XKR6: variants seen among roughly 807,000 people sequenced by gnomAD.
The protein encoded by XKR6 is XK-related protein 6.
In XKR6, 22 loss-of-function variants were observed where a neutral mutation model predicts 56.7. The observed-to-expected ratio is 0.39, with a 90% CI of 0.28 to 0.55. The LOEUF is 0.55. Among genes scored for constraint, XKR6 ranks in the 20% least tolerant of loss-of-function variants. The pLI is 0.66. For missense variants in XKR6, 852 were observed against 889.0 expected (o/e 0.96, Z 0.53); for synonymous variants, 524 against 387.8 (o/e 1.35, Z -4.13).
chr8:11,085,488 C>T (rs1797856816), intron 1 of XKR6, among the ~76,000 whole-genome samples: 10 of 151,990 alleles, frequency 6.6e-5, no homozygotes. Flanking sequence ...GTGTGCATGT[C>T]TGTGCTTGTG....
At chr8:10,929,601 CACCTGGCTGTGTT>C (rs1223540950) in intron 1 of XKR6, among the ~76,000 whole-genome samples, 1 of 152,216 alleles carries the variant, frequency 6.6e-6, no homozygotes, top group Non-Finnish European at 1.5e-5. Flanking sequence ...CCAGCTCTGC[CACCTGGCTGTGTT>C]ACCTTGAGGG....
chr8:11,067,973 T>C (rs1022268424), intron 1 of XKR6, among the ~76,000 whole-genome samples: 6 of 152,188 alleles, frequency 3.9e-5, no homozygotes, highest in African/African-American at 1.4e-4. Flanking sequence ...GAATGTGGGG[T>C]GGTTGCTGTT....
At position 10,898,365 on chromosome 8, in the gene XKR6, C is replaced by G. The variant is rs1299151411; in HGVS notation, c.1513G>C (p.Ala505Pro). The part of the protein sequence containing the change: ...YGVLHPTGPR[A>P]KILASSCCAE... ...CAACAGGAGCTGGCAAGGATCTTAG[C>G]TCGTGGTCCTGTGGGATGCAGCACG... Residue 505 changes from alanine to proline, a missense_variant, in exon 3 of 3, where the codon GCT becomes CCT. Around this residue, in one of 4 missense-constraint regions of XKR6, gnomAD observed 197 missense variants for 190.9 expected, o/e 1.03. Coordinates refer to ENST00000416569, the MANE Select transcript of XKR6 (RefSeq NM_173683.4). This position sits in a 1 kb window ranked among gnomAD's most constrained non-coding sequence, Gnocchi z 6.6. 3 of 1,613,926 alleles carry G rather than the reference C, an allele frequency of 1.9e-6. No individual in the cohort carries two copies. Among genetic ancestry groups the G allele is most frequent in the Non-Finnish European group, 2.5e-6 (3 of 1,180,000 alleles).
chr8:11,169,857 T>G (rs910781329), intron 1 of XKR6, among the ~76,000 whole-genome samples: 5 of 152,162 alleles, frequency 3.3e-5, no homozygotes, highest in Non-Finnish European at 5.9e-5. Context: ...TTTAACACAA[T>G]AAAAATTTAA....
intron 1 of XKR6, among the ~76,000 whole-genome samples, chr8:10,929,889 T>G (rs1801006507): frequency 6.6e-6 from 1 of 152,176 alleles, no homozygotes; most frequent in Non-Finnish European, 1.5e-5. Flanking sequence ...TTCTATCTCC[T>G]TTCCTTACTT....
intron 1 of XKR6, among the ~76,000 whole-genome samples, chr8:10,996,663 G>A (rs1392760577): frequency 6.6e-6 from 1 of 152,172 alleles, no homozygotes; most frequent in African/African-American, 2.4e-5. Context: ...TGTGTTGGGT[G>A]AAGACTGTTC....
chr8:11,113,453 G>C (rs1372536272), intron 1 of XKR6, among the ~76,000 whole-genome samples: 1 of 152,114 alleles, frequency 6.6e-6, no homozygotes, highest in Non-Finnish European at 1.5e-5. Flanking sequence ...AAATATATTT[G>C]AACATGTAAT....
chr8:10,967,838 G>A (rs1024561424), intron 1 of XKR6, among the ~76,000 whole-genome samples: 1 of 152,202 alleles, frequency 6.6e-6, no homozygotes, highest in African/African-American at 2.4e-5. Context: ...GGGTGCAGGT[G>A]GGACAAGCCC....
At chr8:11,175,170 A>T in intron 1 of XKR6, 1 of 152,770 alleles carries the variant, frequency 6.5e-6, no homozygotes. Context: ...TGCATATATG[A>T]AAAGCCACCA....
intron 1 of XKR6, among the ~76,000 whole-genome samples, chr8:11,044,580 C>G (rs995243798): frequency 1.3e-5 from 2 of 152,098 alleles, no homozygotes; most frequent in African/African-American, 2.4e-5. Flanking sequence ...TATATTCCCT[C>G]AGATCATCCT....
chr8:10,987,753 G>A (rs1217028105), intron 1 of XKR6, among the ~76,000 whole-genome samples: 1 of 152,104 alleles, frequency 6.6e-6, no homozygotes, highest in Non-Finnish European at 1.5e-5. Context: ...CCATAATATG[G>A]GCCCAGTTTT....
At chr8:11,195,542 C>A (rs941069986) in intron 1 of XKR6, among the ~76,000 whole-genome samples, 2 of 152,158 alleles carry the variant, frequency 1.3e-5, no homozygotes, top group African/African-American at 4.8e-5. Context: ...ACTTCCTGAT[C>A]AGGTAAGTCT....
At chr8:11,080,853 C>T (rs973802518) in intron 1 of XKR6, among the ~76,000 whole-genome samples, 2 of 152,252 alleles carry the variant, frequency 1.3e-5, no homozygotes, top group African/African-American at 4.8e-5. Context: ...CCGGTCGAAG[C>T]TGCCAACCTC....
chr8:10,898,950 C>A lies in XKR6; in HGVS notation c.962-34G>T. The A allele has an allele frequency of 6.4e-7, 1 of 1,556,782 alleles. No homozygotes were observed. The highest frequency in any genetic ancestry group is 8.7e-7 in the Non-Finnish European group (1 of 1,155,986). On this transcript the variant is annotated intron_variant, in intron 2 of 2. Coordinates refer to ENST00000416569, the MANE Select transcript of XKR6 (RefSeq NM_173683.4). The surrounding 1 kb of genome is among the most constrained non-coding windows in gnomAD (Gnocchi z 6.6). ...AAGACACAAACCCACACAGTCAAAA[C>A]CTTGGACATCAACCGCAGGGCACAG...
intron 2 of XKR6, among the ~76,000 whole-genome samples, chr8:10,920,570 T>C (rs922593204): frequency 3.3e-5 from 5 of 152,240 alleles, no homozygotes; most frequent in Non-Finnish European, 5.9e-5. Context: ...CCTCTTCCAA[T>C]TTCTGATGAC....
chr8:11,193,102 T>C (rs1585041016), intron 1 of XKR6, among the ~76,000 whole-genome samples: 1 of 152,332 alleles, frequency 6.6e-6, no homozygotes, highest in South Asian at 2.1e-4. Context: ...CAACCCTACC[T>C]TTCCTCCAAG....
intron 1 of XKR6, among the ~76,000 whole-genome samples, chr8:10,938,236 A>G (rs545107397): frequency 1.2e-3 from 179 of 152,202 alleles, no homozygotes; most frequent in African/African-American, 3.7e-3. Context: ...CCCAGGTGAG[A>G]CAATGCCTCG....
intron 1 of XKR6, among the ~76,000 whole-genome samples, chr8:11,023,589 A>G (rs1434398234): frequency 6.6e-6 from 1 of 152,184 alleles, no homozygotes; most frequent in Non-Finnish European, 1.5e-5. Context: ...GAGATTTTCT[A>G]TCTTAGAATC....
At chr8:11,123,172 G>T (rs528272882) in intron 1 of XKR6, among the ~76,000 whole-genome samples, 1 of 151,034 alleles carries the variant, frequency 6.6e-6, no homozygotes, top group African/African-American at 2.4e-5. Context: ...GGGAGGTGGA[G>T]GTCGCAGTGA....
Sources: allele counts gnomAD v4.1 joint callset (sites outside exome capture counted in the v4.1 genomes callset), GRCh38; gene constraint gnomAD v4.1.1; regional missense constraint gnomAD v4.1.1; non-coding constraint Gnocchi (gnomAD v3.1); transcripts MANE v1.5; gene names NCBI Gene and HGNC (gene_info 2026-07-23, HGNC 2026-07-21).